Variants in ZNF227 observed in about 807,000 individuals in gnomAD.
ZNF227 encodes the protein zinc finger protein 227.
In ZNF227, 12 loss-of-function variants were observed where a neutral mutation model predicts 13.2. The ratio of observed to expected loss-of-function variants is 0.91; its 90% CI spans 0.58 to 1.47. ZNF227 has a LOEUF of 1.47. Ranked by LOEUF, ZNF227 falls within the 40% of genes most tolerant of loss-of-function variation. The pLI is 0.00. For synonymous variants in ZNF227, 338 were observed against 326.0 expected (o/e 1.04, Z -0.40); for missense variants, 885 against 967.5 (o/e 0.91, Z 1.13).
At chr19:44,229,403 C>G (rs184126794) in intron 4 of ZNF227, among the ~76,000 whole-genome samples, 78 of 152,132 alleles carry the variant, frequency 5.1e-4, no homozygotes, top group African/African-American at 1.7e-3. Flanking sequence ...CTTGAGGTCA[C>G]GAGTTCAAGA....
rs1974600993 is a variant in ZNF227 at position 44,237,264 on chromosome 19, C to G, written c.*434C>G. 6.2e-6 allele frequency: 1 copy of G among 160,478 alleles called. No individual in the cohort carries two copies. The highest frequency in any genetic ancestry group is 2.4e-5 in the African/African-American group (1 of 41,496). The allele number at this position is 160,478 out of a possible 1,614,324, so 9.9% of individuals were successfully genotyped here. A position where few individuals can be genotyped will look rare whatever the true frequency, so the allele number is the denominator to read the frequency against. On this transcript the variant is annotated 3_prime_UTR_variant, in exon 6 of 6. Coordinates refer to ENST00000313040, the MANE Select transcript of ZNF227 (RefSeq NM_182490.3). The stretch of plus-strand genomic sequence containing the variant: ...AATGAATAAAATTACTAAAAATTTT[C>G]TGTAGCTAAGGACTCATGATTCTTT...
rs1229555925 is a variant in ZNF227, at chr19:44,234,834, G to A, written c.404G>A (p.Ser135Asn). The change falls in exon 6 of 6, where the codon AGT (serine) becomes AAT (asparagine). Residue 135 changes from serine to asparagine, a missense_variant. By Grantham distance (46) the Ser-to-Asn change is conservative. Coordinates refer to ENST00000313040, the MANE Select transcript of ZNF227 (RefSeq NM_182490.3). ...TTAACCAGGTGTCTTCAGGGGAAGA[G>A]TTCCCAGTTATTACAAGGTGACTCT... is the stretch of plus-strand genomic sequence containing the variant. ...SELTRCLQGK[S>N]SQLLQGDSIQ... is the part of the protein sequence containing the mutation. The A allele has an allele frequency of 8.7e-6, 14 of 1,614,080 alleles. No homozygotes were observed. Among genetic ancestry groups the A allele is most frequent in the Non-Finnish European group, 1.2e-5 (14 of 1,180,010 alleles).
upstream of ZNF227, among the ~76,000 whole-genome samples, chr19:44,211,139 G>A (rs1971344640): frequency 6.6e-6 from 1 of 151,896 alleles, no homozygotes; most frequent in East Asian, 1.9e-4. Flanking sequence ...GAGGGCGGAG[G>A]TTGCAATGAG....
intron 2 of ZNF227, 37 bp downstream of exon 2, chr19:44,213,281 CT>C (rs1971520324): frequency 1.3e-5 from 2 of 152,310 alleles, no homozygotes; most frequent in East Asian, 3.9e-4. Flanking sequence ...GTTCCATTTT[CT>C]GTCCTTTCAG....
At position 44,235,418 on chromosome 19, in the gene ZNF227, G is replaced by A. The variant is rs778750889; in HGVS notation, c.988G>A (p.Gly330Ser). 9 of 1,613,932 alleles carry A rather than the reference G, an allele frequency of 5.6e-6. No individual in the cohort carries two copies. Among genetic ancestry groups the A allele is most frequent in the East Asian group, 2.2e-5 (1 of 44,888 alleles). ...GEKSYRCDSC[G>S]KGFSSSTGLI... is the part of the protein sequence containing the mutation. ...GAAGTCTTATAGATGCGACAGTTGCGGCAAGGGATTCAGTAGCAGCACGGG... is the reference window on the plus strand; with the variant it reads ...GAAGTCTTATAGATGCGACAGTTGCAGCAAGGGATTCAGTAGCAGCACGGG... Residue 330 changes from glycine (G) to serine (S), a missense_variant, in exon 6 of 6, where the codon GGC (glycine) becomes AGC (serine). By Grantham distance (56) the Gly-to-Ser change is moderately conservative. Transcript: ENST00000313040.
At chr19:44,223,908 A>G (rs1216187476) in intron 3 of ZNF227, among the ~76,000 whole-genome samples, 2 of 152,176 alleles carry the variant, frequency 1.3e-5, no homozygotes, top group Non-Finnish European at 2.9e-5. Context: ...ATTTAGTGCT[A>G]TAAATTTCCC....
At chr19:44,232,866 C>T (rs2122934308) in intron 5 of ZNF227, among the ~76,000 whole-genome samples, 1 of 152,132 alleles carries the variant, frequency 6.6e-6, no homozygotes, top group East Asian at 1.9e-4. Flanking sequence ...CGGGGTTTCA[C>T]CATGTTGTGG....
intron 3 of ZNF227, among the ~76,000 whole-genome samples, chr19:44,225,364 T>C (rs1251442382): frequency 6.6e-6 from 1 of 152,246 alleles, no homozygotes; most frequent in Non-Finnish European, 1.5e-5. Context: ...GCAGAGTGTT[T>C]CCAACTTGGT....
At chr19:44,228,331 A>T in intron 3 of ZNF227, 115 bp from the exon 4 acceptor site, 1 of 1,199,420 alleles carries the variant, frequency 8.3e-7, no homozygotes, top group Non-Finnish European at 1.2e-6. Flanking sequence ...AAATTGACTG[A>T]GATCTCTTGG....
rs138520881 is a variant in ZNF227 at position 44,235,985 on chromosome 19, C to T, written c.1555C>T (p.Arg519Ter). ...VHQNVHTGEKRFKCETCGKGF... is the reference protein window; with the variant it reads ...VHQNVHTGEK ...TCAGAATGTCCACACTGGGGAGAAA[C>T]GATTCAAGTGTGAAACGTGTGGGAA... The change falls in exon 6 of 6, where the codon CGA (arginine) becomes TGA (stop). Residue 519 changes from arginine (R) to a stop codon, truncating the protein, a stop_gained. Coordinates refer to ENST00000313040, the MANE Select transcript of ZNF227 (RefSeq NM_182490.3). LOFTEE classifies it low-confidence loss of function (END_TRUNC). 505 of 1,613,762 alleles carry T rather than the reference C, an allele frequency of 3.1e-4. No individual in the cohort carries two copies. The highest frequency in any genetic ancestry group is 4.2e-4 in the Non-Finnish European group (490 of 1,179,990).
upstream of ZNF227, chr19:44,212,506 G>C (rs1455354409): frequency 1.3e-5 from 2 of 151,990 alleles, no homozygotes; most frequent in East Asian, 3.9e-4. Context: ...CTTCTGGGAA[G>C]GGTAGTTCAG....
chr19:44,214,503 C>T (rs570769074), intron 2 of ZNF227, among the ~76,000 whole-genome samples: 1 of 152,024 alleles, frequency 6.6e-6, no homozygotes, highest in African/African-American at 2.4e-5. Context: ...ATCAAGCTCC[C>T]GAGTAACTGG....
chr19:44,231,272 GC>G (rs150108900), intron 5 of ZNF227, among the ~76,000 whole-genome samples: 5,507 of 151,704 alleles, frequency 0.036, 174 homozygotes, highest in South Asian at 0.082. Context: ...CCACCACCAT[GC>G]CCAACTAATT....
chr19:44,221,017 T>C, intron 3 of ZNF227, among the ~76,000 whole-genome samples: 1 of 151,404 alleles, frequency 6.6e-6, no homozygotes, highest in Non-Finnish European at 1.5e-5. Flanking sequence ...TAGTATTCCA[T>C]GGTGTATATG....
chr19:44,231,295 A>C (rs755294154), intron 5 of ZNF227, among the ~76,000 whole-genome samples: 10 of 151,784 alleles, frequency 6.6e-5, no homozygotes, highest in Non-Finnish European at 1.0e-4. Context: ...TTGTATTTTT[A>C]ATAGAGATGG....
In ZNF227 at chr19:44,227,763, TA is replaced by T. The variant is rs1474840742; in HGVS notation, c.61-679del. Among the ~76,000 whole-genome samples the T allele has an allele frequency of 7.2e-5, 11 of 152,286 alleles. No individual in the cohort carries two copies. In the East Asian group the frequency reaches 2.1e-3, roughly 29 times the overall value. ...AATTTGCCCAAGGTCCTATAACTAG[TA>T]AAAGGCAAAACCTTGAAATTTGAAC... On this transcript the variant is annotated intron_variant, in intron 3 of 5. Transcript: ENST00000313040.
Position 44,235,641 on chromosome 19 carries a change from G to T in ZNF227, c.1211G>T (p.Gly404Val), listed in dbSNP as rs1974378326. The T allele has an allele frequency of 1.2e-6, 2 of 1,614,010 alleles. No homozygotes were observed. Among genetic ancestry groups the T allele is most frequent in the African/African-American group, 1.3e-5 (1 of 74,878 alleles). ...CGTGTTCACCAGAGGGTCCACAGGGGTGAGAAGCCCTATAAATGTGAGGAA... is the reference window on the plus strand; with the variant it reads ...CGTGTTCACCAGAGGGTCCACAGGGTTGAGAAGCCCTATAAATGTGAGGAA... ...NLRVHQRVHR[G>V]EKPYKCEECG... Residue 404 changes from glycine (G) to valine (V), a missense_variant, in exon 6 of 6, where the codon GGT becomes GTT. Physicochemically the swap from Gly to Val is moderately radical, Grantham distance 109. Transcript: ENST00000313040.
chr19:44,209,743 C>G (rs1441902550), upstream of ZNF227, among the ~76,000 whole-genome samples: 2 of 152,170 alleles, frequency 1.3e-5, no homozygotes, highest in African/African-American at 4.8e-5. Flanking sequence ...CCCATCACCA[C>G]ACCCGGCTAA....
intron 3 of ZNF227, among the ~76,000 whole-genome samples, chr19:44,226,845 G>T (rs1973220660): frequency 6.6e-6 from 1 of 152,178 alleles, no homozygotes; most frequent in South Asian, 2.1e-4. Context: ...TGGAAATGCA[G>T]AAATCACCCG....
Sources: allele counts gnomAD v4.1 joint callset (sites outside exome capture counted in the v4.1 genomes callset), GRCh38; gene constraint gnomAD v4.1.1; transcripts MANE v1.5; gene names NCBI Gene and HGNC (gene_info 2026-07-23, HGNC 2026-07-21).